Variants in KRT33A observed in about 807,000 individuals in gnomAD.
The protein encoded by KRT33A is keratin, type I cuticular Ha3-I.
Under a neutral mutation model 41.1 loss-of-function variants are expected in KRT33A, and 44 were observed. That is an observed-to-expected ratio of 1.07 (90% CI 0.84 to 1.38). The LOEUF (loss-of-function observed/expected upper bound fraction) is 1.38, where lower values mean the gene tolerates loss of function less well. Ranked by LOEUF, KRT33A falls within the 40% of genes most tolerant of loss-of-function variation. The probability of loss-of-function intolerance (pLI) is 0.00; values close to 1 mark genes in which losing one functional copy is unlikely to be tolerated. For missense variants in KRT33A, 536 were observed against 518.5 expected, an observed-to-expected ratio of 1.03 and a Z score of -0.33; for synonymous variants, 229 against 227.8, an observed-to-expected ratio of 1.01 and a Z score of -0.05.
At chr17:41,348,432 T>C (rs759952071) in intron 3 of KRT33A, 51 bp downstream of exon 3, 2 of 1,605,902 alleles carry the variant, frequency 1.2e-6, no homozygotes, top group South Asian at 2.2e-5. Flanking sequence ...CTGTGGCAGT[T>C]GTGAAACAGG....
rs534775861 is a variant in KRT33A, at chr17:41,348,356, T to A, written c.588+127A>T. ...TTTTAGATTAGTCATTCTCTACATA[T>A]CCCTTTTTGTATGCAGAATTACTTC... is the stretch of plus-strand genomic sequence containing the variant. On this transcript the variant is annotated intron_variant, in intron 3 of 6. Coordinates refer to ENST00000007735, the MANE Select transcript of KRT33A (RefSeq NM_004138.4). 50 of 922,562 alleles carry A rather than the reference T, an allele frequency of 5.4e-5. No homozygotes were observed. The East Asian group carries it at 1.2e-3, about 22-fold the overall frequency. 57.1% of individuals were successfully genotyped at this position (922,562 alleles called of 1,614,324 possible). A position where few individuals can be genotyped will look rare whatever the true frequency, so the allele number is the denominator to read the frequency against.
chr17:41,348,715 C>G, intron 2 of KRT33A, 76 bp from the exon 3 acceptor site: 1 of 1,495,216 alleles, frequency 6.7e-7, no homozygotes, highest in South Asian at 1.2e-5. Flanking sequence ...TTTGGTTAGT[C>G]AGGCAACTAG....
At position 41,348,558 on chromosome 17, in the gene KRT33A, C is replaced by T; in HGVS notation, c.513G>A (p.Leu171=). 2 of 1,614,048 alleles carry T rather than the reference C, an allele frequency of 1.2e-6. No homozygotes were observed. The highest frequency in any genetic ancestry group is 1.1e-5 in the South Asian group (1 of 91,072). The change falls in exon 3 of 7, where the codon CTG becomes CTA. Residue 171 remains leucine, a synonymous_variant. Transcript: ENST00000007735. ...CCTGGGCCTCCAGGTCAGACCTGCA[C>T]AGGGTCAGCTCATCCAGGATCCTGC... ...GLRRILDELT[L]CRSDLEAQVE... is the part of the protein sequence containing the mutation.
Position 41,346,112 on chromosome 17 carries a change from G to A in KRT33A, c.*7C>T, listed in dbSNP as rs184425617. 1.4e-4 allele frequency: 228 copies of A among 1,585,300 alleles called. No homozygotes were observed. In the East Asian group the frequency reaches 4.7e-3, roughly 33 times the overall value. ...ATGCCTTTCTTCTCCTCCTGGTTGT[G>A]GGGCCTCTAGTACCCAAATGTGTTG... On this transcript the variant is annotated 3_prime_UTR_variant, in exon 7 of 7. Transcript: ENST00000007735.
intron 1 of KRT33A, among the ~76,000 whole-genome samples, chr17:41,349,950 G>A (rs1328691005): frequency 6.6e-6 from 1 of 152,162 alleles, no homozygotes; most frequent in Admixed American, 6.5e-5. Context: ...CTGTGCACCA[G>A]GAGAAGCCCA....
In KRT33A at chr17:41,350,479, G is replaced by A; in HGVS notation, c.289C>T (p.Pro97Ser). 6.2e-7 allele frequency: 1 copy of A among 1,614,064 alleles called. No individual in the cohort carries two copies. The highest frequency in any genetic ancestry group is 8.5e-7 in the Non-Finnish European group (1 of 1,180,028). ...LIRERSQQQE[P>S]LVCASYQSYF... ...GACTGGTAGCTGGCACACACCAAGG[G>A]CTCCTGCTGCTGTGACCGCTCCCGG... The change falls in exon 1 of 7, where the codon CCC becomes TCC. Residue 97 changes from proline (P) to serine (S), a missense_variant. Physicochemically the swap from Pro to Ser is moderately conservative, Grantham distance 74. Transcript: ENST00000007735.
At chr17:41,348,336 G>T in intron 3 of KRT33A, 147 bp downstream of exon 3, 1 of 811,938 alleles carries the variant, frequency 1.2e-6, no homozygotes, top group East Asian at 2.6e-5. Flanking sequence ...CAGGTTTTTA[G>T]ATTAGTCATT....
intron 1 of KRT33A, among the ~76,000 whole-genome samples, chr17:41,350,080 C>T (rs1328351576): frequency 1.3e-5 from 2 of 152,162 alleles, no homozygotes; most frequent in Admixed American, 6.5e-5. Context: ...CCAGTCTTTA[C>T]AAAAGATTCC....
At position 41,350,659 on chromosome 17, in the gene KRT33A, T is replaced by A. The variant is rs1423983694; in HGVS notation, c.109A>T (p.Ile37Phe). The change falls in exon 1 of 7, where the codon ATC (isoleucine) becomes TTC (phenylalanine). Residue 37 changes from isoleucine (I) to phenylalanine (F), a missense_variant. Transcript: ENST00000007735. Reference sequence around the variant, plus strand: ...TTGCAGTTGCTCACATTGGCGGGGATGTTGCAGGCCCCGGGCAGGGTGCAG... The same window carrying A: ...TTGCAGTTGCTCACATTGGCGGGGAAGTTGCAGGCCCCGGGCAGGGTGCAG... ...HGCTLPGACN[I>F]PANVSNCNWF... 19 of 1,612,034 alleles carry A rather than the reference T, an allele frequency of 1.2e-5. No homozygotes were observed. Among genetic ancestry groups the A allele is most frequent in the Non-Finnish European group, 1.5e-5 (18 of 1,180,016 alleles).
rs779533310 is a variant in KRT33A at position 41,350,467 on chromosome 17, C to G, written c.301G>C (p.Ala101Pro). ...RSQQQEPLVC[A>P]SYQSYFKTIE... Reference sequence around the variant, plus strand: ...GTCTTGAAGTAGGACTGGTAGCTGGCACACACCAAGGGCTCCTGCTGCTGT... The same window carrying G: ...GTCTTGAAGTAGGACTGGTAGCTGGGACACACCAAGGGCTCCTGCTGCTGT... The change falls in exon 1 of 7, where the codon GCC (alanine) becomes CCC (proline). Residue 101 changes from alanine to proline, a missense_variant. Transcript: ENST00000007735. The G allele has an allele frequency of 1.9e-6, 3 of 1,614,128 alleles. No individual in the cohort carries two copies. Among genetic ancestry groups the G allele is most frequent in the Non-Finnish European group, 2.5e-6 (3 of 1,180,032 alleles).
chr17:41,347,823 C>T (rs2017447280), intron 3 of KRT33A, among the ~76,000 whole-genome samples: 1 of 152,236 alleles, frequency 6.6e-6, no homozygotes, highest in Non-Finnish European at 1.5e-5. Flanking sequence ...TAATACATTG[C>T]TTCTAGAAGC....
rs113762804 is a variant in KRT33A at position 41,346,798 on chromosome 17, C to T, written c.876+46G>A. On this transcript the variant is annotated intron_variant, in intron 5 of 6. Coordinates refer to ENST00000007735, the MANE Select transcript of KRT33A (RefSeq NM_004138.4). The stretch of plus-strand genomic sequence containing the variant: ...CCCCAAGGGCATCCCCAAGACTCTG[C>T]CTCCCAAGTTCCCATCGCTCACCAG... The T allele has an allele frequency of 1.7e-4, 276 of 1,608,972 alleles. No homozygotes were observed. The African/African-American group carries it at 2.7e-3, about 16-fold the overall frequency.
intron 3 of KRT33A, 121 bp from the exon 4 acceptor site, chr17:41,347,343 G>A (rs2017441604): frequency 8.3e-7 from 1 of 1,201,984 alleles, no homozygotes; most frequent in Non-Finnish European, 1.1e-6. Flanking sequence ...CTCTGATCCT[G>A]TCACTAACCA....
chr17:41,348,686 G>C (rs1158522896), intron 2 of KRT33A, 47 bp from the exon 3 acceptor site: 2 of 1,599,572 alleles, frequency 1.3e-6, no homozygotes, highest in African/African-American at 2.7e-5. Context: ...GAATAGGCCT[G>C]GCCTTGACTC....
At chr17:41,347,899 A>G (rs1377701206) in intron 3 of KRT33A, among the ~76,000 whole-genome samples, 1 of 152,220 alleles carries the variant, frequency 6.6e-6, no homozygotes, top group Non-Finnish European at 1.5e-5. Context: ...CACTTAGCAC[A>G]ATGTTTGGCA....
Position 41,346,600 on chromosome 17 carries a change from C to G in KRT33A, c.945G>C (p.Gln315His), listed in dbSNP as rs1439040844. The G allele has an allele frequency of 6.2e-7, 1 of 1,614,258 alleles. No homozygotes were observed. The highest frequency in any genetic ancestry group is 1.1e-5 in the South Asian group (1 of 91,086). Residue 315 changes from glutamine (Q) to histidine (H), a missense_variant, in exon 6 of 7, where the codon CAG becomes CAC. Transcript: ENST00000007735. ...ARYSSQLSQV[Q>H]RLITNVESQL... ...GGGACTCCACGTTGGTGATCAGTCT[C>G]TGCACCTGGGACAGCTGGGAGCTGT...
At chr17:41,348,747 A>C in intron 2 of KRT33A, 108 bp from the exon 3 acceptor site, 1 of 1,167,302 alleles carries the variant, frequency 8.6e-7, no homozygotes, top group South Asian at 1.5e-5. Context: ...TGTAGTTTTT[A>C]TAGCCATCTC....
intron 3 of KRT33A, among the ~76,000 whole-genome samples, chr17:41,347,846 C>T (rs1278630975): frequency 1.3e-5 from 2 of 152,164 alleles, no homozygotes; most frequent in African/African-American, 2.4e-5. Flanking sequence ...CTTGAAGCCT[C>T]GATTTCTTCA....
chr17:41,349,046 A>C (rs2017466097), intron 2 of KRT33A, among the ~76,000 whole-genome samples: 1 of 152,206 alleles, frequency 6.6e-6, no homozygotes, highest in East Asian at 1.9e-4. Context: ...ATGCTTCCAC[A>C]TTCTCCATTC....
Sources: allele counts gnomAD v4.1 joint callset (sites outside exome capture counted in the v4.1 genomes callset), GRCh38; gene constraint gnomAD v4.1.1; transcripts MANE v1.5; gene names NCBI Gene and HGNC (gene_info 2026-07-23, HGNC 2026-07-21).